The following IREB2 variants were observed in gnomAD, a reference collection of about 807,000 sequenced individuals.
IREB2 encodes the protein iron-responsive element-binding protein 2.
IREB2 carries 39 observed loss-of-function variants against 118.8 expected under a neutral mutation model. That is an observed-to-expected ratio of 0.33 (90% CI 0.25 to 0.43). The LOEUF is 0.43. Among genes scored for constraint, IREB2 ranks in the 20% least tolerant of loss-of-function variants. IREB2 has a pLI of 1.00. For missense variants in IREB2, 900 were observed against 1,147.3 expected (o/e 0.78, Z 3.11); for synonymous variants, 372 against 392.2 (o/e 0.95, Z 0.61).
chr15:78,490,567 T>A (rs1183703803), intron 17 of IREB2, 41 bp downstream of exon 17: 10 of 1,606,752 alleles, frequency 6.2e-6, no homozygotes, highest in Non-Finnish European at 8.5e-6. Flanking sequence ...AAGATTGTTA[T>A]AAACTAAGAA....
chr15:78,473,057 C>T (rs1315975640), intron 7 of IREB2, among the ~76,000 whole-genome samples, 185 bp from the exon 8 acceptor site: 3 of 152,050 alleles, frequency 2.0e-5, no homozygotes, highest in Non-Finnish European at 2.9e-5. Flanking sequence ...AATAGTTTTT[C>T]GACCGTGCGA....
intron 11 of IREB2, 40 bp from the exon 12 acceptor site, chr15:78,484,721 C>A: frequency 1.4e-6 from 2 of 1,453,406 alleles, no homozygotes; most frequent in South Asian, 2.3e-5. Context: ...CTGTACATAC[C>A]CAGAATATTT....
rs1308088557 is a variant in IREB2 at position 78,500,213 on chromosome 15, C to T, written c.*2070C>T. 1 of 152,198 alleles carries T rather than the reference C, an allele frequency of 6.6e-6. No homozygotes were observed. Among genetic ancestry groups the T allele is most frequent in the East Asian group, 1.9e-4 (1 of 5,194 alleles). The allele number at this position is 152,198 out of a possible 1,614,324, so 9.4% of individuals were successfully genotyped here. On this transcript the variant is annotated 3_prime_UTR_variant, in exon 22 of 22. Transcript: ENST00000258886. ...GCAGAGGCACAGGCATCCTCAGCAG[C>T]TGATTCAGGAGATGATGGTAAAGCT...
chr15:78,463,141 TA>T (rs2051224653), intron 3 of IREB2, 54 bp downstream of exon 3: 1 of 1,420,778 alleles, frequency 7.0e-7, no homozygotes, highest in Non-Finnish European at 9.6e-7. Flanking sequence ...GTTTCCTTTT[TA>T]AAATACAGAC....
Position 78,498,246 on chromosome 15 carries a change from C to T in IREB2, c.*103C>T, listed in dbSNP as rs2051873964. ...GAGCAGCAGATAGTCCCAGTATACT[C>T]ACTTATCTCATCCATGGATGTAAAT... On this transcript the variant is annotated 3_prime_UTR_variant, in exon 22 of 22. Transcript: ENST00000258886. 3.2e-6 allele frequency: 2 copies of T among 617,924 alleles called. No individual in the cohort carries two copies. The highest frequency in any genetic ancestry group is 2.9e-5 in the Admixed American group (1 of 34,594). The allele number at this position is 617,924 out of a possible 1,614,324, so 38.3% of individuals were successfully genotyped here. A position where few individuals can be genotyped will look rare whatever the true frequency, so the allele number is the denominator to read the frequency against.
chr15:78,486,683 G>A (rs944114010), intron 13 of IREB2, among the ~76,000 whole-genome samples: 2 of 151,900 alleles, frequency 1.3e-5, no homozygotes, highest in Non-Finnish European at 2.9e-5. Flanking sequence ...GGATTTTTTG[G>A]TTTTGAGACA....
At chr15:78,483,166 C>T in intron 10 of IREB2, 152 bp from the exon 11 acceptor site, 1 of 480,620 alleles carries the variant, frequency 2.1e-6, no homozygotes, top group South Asian at 4.3e-5. Flanking sequence ...ATCTTTATTT[C>T]TTGGGGTTGA....
chr15:78,475,363 T>C (rs1399967012), intron 8 of IREB2: 6 of 152,184 alleles, frequency 3.9e-5, no homozygotes, highest in Admixed American at 2.0e-4. Flanking sequence ...TGAAACCACA[T>C]GTTAACAAAT....
At chr15:78,481,264 G>A (rs746353652) in intron 10 of IREB2, among the ~76,000 whole-genome samples, 4 of 152,032 alleles carry the variant, frequency 2.6e-5, no homozygotes, top group East Asian at 1.9e-4. Flanking sequence ...GTGCAGTGGC[G>A]TGATCACGGC....
At chr15:78,451,691 TC>T in intron 2 of IREB2, among the ~76,000 whole-genome samples, 1 of 152,306 alleles carries the variant, frequency 6.6e-6, no homozygotes, top group East Asian at 1.9e-4. Context: ...TGGATTTTTT[TC>T]TTTTTTCTTT....
rs528782308 is a variant in IREB2, at chr15:78,463,146, TAC to T, written c.272+61_272+62del. 3.1e-5 allele frequency: 43 copies of T among 1,398,480 alleles called. No individual in the cohort carries two copies. In the South Asian group the frequency reaches 4.7e-4, roughly 15 times the overall value. The allele number at this position is 1,398,480 out of a possible 1,614,324, so 86.6% of individuals were successfully genotyped here. ...CTTAGAGTGTGTTTCCTTTTTAAAA[TAC>T]AGACTCTTGGGTAGGTGTGGTTGTT... On this transcript the variant is annotated intron_variant, in intron 3 of 21. Coordinates refer to ENST00000258886, the MANE Select transcript of IREB2 (RefSeq NM_004136.4).
intron 11 of IREB2, among the ~76,000 whole-genome samples, chr15:78,484,107 A>C (rs1294218741): frequency 6.6e-6 from 1 of 151,916 alleles, no homozygotes; most frequent in Non-Finnish European, 1.5e-5. Flanking sequence ...AATTTGGTAA[A>C]TGTGACCGAG....
Position 78,483,437 on chromosome 15 carries a change from A to G in IREB2, c.1413+3A>G, listed in dbSNP as rs767812744. ...TCCAGGCTTGCTTAAATGAAAAGGT[A>G]GGTTACTTTATTCTTATCCGTGTTT... On this transcript the variant is annotated splice_donor_region_variant and intron_variant, in intron 11 of 21. Coordinates refer to ENST00000258886, the MANE Select transcript of IREB2 (RefSeq NM_004136.4). The G allele has an allele frequency of 2.7e-6, 4 of 1,478,482 alleles. No homozygotes were observed. The highest frequency in any genetic ancestry group is 4.5e-5 in the East Asian group (2 of 44,248). The allele number at this position is 1,478,482 out of a possible 1,614,324, so 91.6% of individuals were successfully genotyped here.
chr15:78,451,150 G>A (rs1230014646), intron 2 of IREB2, among the ~76,000 whole-genome samples: 2 of 151,916 alleles, frequency 1.3e-5, no homozygotes, highest in African/African-American at 4.8e-5. Flanking sequence ...ATTTTTAGTA[G>A]TGATGGGATT....
chr15:78,480,339 C>T (rs886919614), intron 10 of IREB2: 1 of 151,946 alleles, frequency 6.6e-6, no homozygotes, highest in African/African-American at 2.4e-5. Context: ...AGAATAAGAA[C>T]AATGGGAAAA....
At chr15:78,490,378 CT>C in intron 16 of IREB2, 43 bp from the exon 17 acceptor site, 1 of 1,309,666 alleles carries the variant, frequency 7.6e-7, no homozygotes, top group Non-Finnish European at 1.1e-6. Flanking sequence ...TTTCTGAGTC[CT>C]TTTATCTTTG....
At chr15:78,488,613 T>C in intron 15 of IREB2, 34 bp from the exon 16 acceptor site, 1 of 1,566,092 alleles carries the variant, frequency 6.4e-7, no homozygotes, top group Non-Finnish European at 8.6e-7. Flanking sequence ...GAGTTATTTT[T>C]TTACTGAGTA....
intron 2 of IREB2, among the ~76,000 whole-genome samples, chr15:78,458,296 G>T (rs1040938648): frequency 1.3e-5 from 2 of 152,142 alleles, no homozygotes; most frequent in African/African-American, 4.8e-5. Context: ...GGGTTGGGGT[G>T]ATTGTGATAT....
chr15:78,491,084 A>AC (rs2051742951), intron 18 of IREB2, among the ~76,000 whole-genome samples: 1 of 152,158 alleles, frequency 6.6e-6, no homozygotes, highest in Admixed American at 6.5e-5. Context: ...GGTTTTACCT[A>AC]CCAAATGAAG....
Sources: gnomAD v4.1 joint callset for allele counts (sites outside exome capture counted in the v4.1 genomes callset) on GRCh38, gnomAD v4.1.1 for gene constraint, MANE v1.5 for transcripts, NCBI Gene and HGNC (gene_info 2026-07-23, HGNC 2026-07-21) for gene names.